The following KLHL36 variants were observed in gnomAD, a reference collection of about 807,000 sequenced individuals.
The protein encoded by KLHL36 is kelch like family member 36.
In KLHL36, 35 loss-of-function variants were observed where a neutral mutation model predicts 53.3. That is an observed-to-expected ratio of 0.66 (90% CI 0.50 to 0.87). The LOEUF (loss-of-function observed/expected upper bound fraction) is 0.87, where lower values mean the gene tolerates loss of function less well. Among genes scored for constraint, KLHL36 ranks in the 40% least tolerant of loss-of-function variants. KLHL36 has a pLI of 0.00. For missense variants in KLHL36, 864 were observed against 897.6 expected (o/e 0.96, Z 0.48); for synonymous variants, 472 against 398.9 (o/e 1.18, Z -2.18).
Position 84,659,783 on chromosome 16 carries a change from T to C in KLHL36, c.1161T>C (p.Arg387=), listed in dbSNP as rs772282352. The C allele has an allele frequency of 5.0e-6, 8 of 1,614,068 alleles. No individual in the cohort carries two copies. The highest frequency in any genetic ancestry group is 6.8e-6 in the Non-Finnish European group (8 of 1,180,012). The change falls in exon 4 of 5, where the codon CGT becomes CGC. Residue 387 remains arginine (R), a synonymous_variant. Coordinates refer to ENST00000564996, the MANE Select transcript of KLHL36 (RefSeq NM_024731.4). ...AGGTGGCCTCCATGAACCAGCGCCG[T>C]GTGGATTTCTACCTTGCCTCCATCG... ...WIKVASMNQR[R]VDFYLASIED...
chr16:84,648,828 G>A lies in KLHL36; in HGVS notation c.-17+179G>A, dbSNP rs1275401496. ...GTGGGGGCGCCGCGGCCGGGGGAGG[G>A]GCCGCCGCCCCCGCAGGTGACACAG... On this transcript the variant is annotated intron_variant, in intron 1 of 4. Coordinates refer to ENST00000564996, the MANE Select transcript of KLHL36 (RefSeq NM_024731.4). The surrounding 1 kb of genome is among the most constrained non-coding windows in gnomAD (Gnocchi z 4.9). 13 of 150,370 alleles carry A rather than the reference G, an allele frequency of 8.6e-5. No individual in the cohort carries two copies. The highest frequency in any genetic ancestry group is 3.4e-3 in the Middle Eastern group (1 of 292). 9.3% of individuals were successfully genotyped at this position (150,370 alleles called of 1,614,324 possible).
chr16:84,655,923 C>T (rs1907174238), intron 2 of KLHL36, among the ~76,000 whole-genome samples: 1 of 151,930 alleles, frequency 6.6e-6, no homozygotes, highest in African/African-American at 2.4e-5. Flanking sequence ...GACAGGGTTT[C>T]TTTTTGTCGT....
In KLHL36 at chr16:84,661,990, C is replaced by T. The variant is rs764020392; in HGVS notation, c.1708C>T (p.Arg570Cys). 227 of 1,595,032 alleles carry T rather than the reference C, an allele frequency of 1.4e-4. No homozygotes were observed. Among genetic ancestry groups the T allele is most frequent in the Non-Finnish European group, 1.6e-4 (193 of 1,172,318 alleles). ...CTCCAAGACCGTGCAGGTGTACGAC[C>T]GCGAGGCCGACAAGTGGAGCAGGGG... The part of the protein sequence containing the change: ...AFSKTVQVYD[R>C]EADKWSRGVD... The change falls in exon 5 of 5, where the codon CGC becomes TGC. Residue 570 changes from arginine to cysteine, a missense_variant. Coordinates refer to ENST00000564996, the MANE Select transcript of KLHL36 (RefSeq NM_024731.4). This position sits in a 1 kb window ranked among gnomAD's most constrained non-coding sequence, Gnocchi z 7.9.
At chr16:84,649,021 C>T (rs944171937) in intron 1 of KLHL36, 3 of 152,212 alleles carry the variant, frequency 2.0e-5, no homozygotes, top group Admixed American at 2.0e-4. Context: ...CCCGGAGACC[C>T]CGCCGGCGAG....
In KLHL36 at chr16:84,657,556, A is replaced by AGCCG; in HGVS notation, c.754_757dup (p.Val253GlyfsTer62). The AGCCG allele has an allele frequency of 6.2e-7, 1 of 1,610,674 alleles. No individual in the cohort carries two copies. Among genetic ancestry groups the AGCCG allele is most frequent in the Non-Finnish European group, 8.5e-7 (1 of 1,179,870 alleles). On this transcript the variant is annotated frameshift_variant, in exon 3 of 5. Coordinates refer to ENST00000564996, the MANE Select transcript of KLHL36 (RefSeq NM_024731.4). LOFTEE classifies it high-confidence loss of function. ...AAGAACGACCTGCTGCACCGCGTCAAGCCGGCCGTGTGCTCGCTGCTGCCC... is the reference window on the plus strand; with the variant it reads ...AAGAACGACCTGCTGCACCGCGTCAAGCCGGCCGGCCGTGTGCTCGCTGCTGCCC...
chr16:84,655,581 G>A (rs189745239), intron 2 of KLHL36, among the ~76,000 whole-genome samples: 296 of 151,906 alleles, frequency 1.9e-3, no homozygotes, highest in African/African-American at 6.6e-3. Flanking sequence ...GCACACACCC[G>A]TAGTCCCAGC....
intron 3 of KLHL36, 196 bp downstream of exon 3, chr16:84,658,140 G>A (rs371780918): frequency 1.6e-5 from 8 of 500,410 alleles, no homozygotes; most frequent in South Asian, 1.5e-4. Flanking sequence ...CCACCCCTTC[G>A]AGGGGTCCGT....
intron 3 of KLHL36, 177 bp from the exon 4 acceptor site, chr16:84,659,583 A>C (rs1907423420): frequency 1.1e-5 from 7 of 625,166 alleles, no homozygotes; most frequent in Non-Finnish European, 1.9e-5. Context: ...ATCTTGGTGA[A>C]ACCTCGGGGG....
rs777399184 is a variant in KLHL36, at chr16:84,657,727, G to T, written c.920G>T (p.Arg307Leu). ...TTTGTGGGCGGCGAGGTCTCCGAGC[G>T]GTGTCTGGAGCTCAGTGACGACACC... ...LLFVGGEVSE[R>L]CLELSDDTCY... Residue 307 changes from arginine (R) to leucine (L), a missense_variant, in exon 3 of 5, where the codon CGG (arginine) becomes CTG (leucine). Coordinates refer to ENST00000564996, the MANE Select transcript of KLHL36 (RefSeq NM_024731.4). 2 of 1,612,284 alleles carry T rather than the reference G, an allele frequency of 1.2e-6. No individual in the cohort carries two copies. Among genetic ancestry groups the T allele is most frequent in the African/African-American group, 1.3e-5 (1 of 74,924 alleles).
At position 84,648,823 on chromosome 16, in the gene KLHL36, G is replaced by T. The variant is rs891313574; in HGVS notation, c.-17+174G>T. 5 of 150,118 alleles carry T rather than the reference G, an allele frequency of 3.3e-5. No individual in the cohort carries two copies. Among genetic ancestry groups the T allele is most frequent in the African/African-American group, 1.2e-4 (5 of 41,152 alleles). 9.3% of individuals were successfully genotyped at this position (150,118 alleles called of 1,614,324 possible). On this transcript the variant is annotated intron_variant, in intron 1 of 4. Transcript: ENST00000564996. This position sits in a 1 kb window ranked among gnomAD's most constrained non-coding sequence, Gnocchi z 4.9. Reference sequence around the variant, plus strand: ...GGCGAGTGGGGGCGCCGCGGCCGGGGGAGGGGCCGCCGCCCCCGCAGGTGA... The same window carrying T: ...GGCGAGTGGGGGCGCCGCGGCCGGGTGAGGGGCCGCCGCCCCCGCAGGTGA...
At position 84,662,625 on chromosome 16, in the gene KLHL36, A is replaced by G. The variant is rs1907625931; in HGVS notation, c.*492A>G. The stretch of plus-strand genomic sequence containing the variant: ...GGTGGTGCCCAGAAGCTGTATTTTA[A>G]CTAGTTCTTGGAATTCTGGGTATTA... On this transcript the variant is annotated 3_prime_UTR_variant, in exon 5 of 5. Coordinates refer to ENST00000564996, the MANE Select transcript of KLHL36 (RefSeq NM_024731.4). The G allele has an allele frequency of 6.5e-6, 1 of 153,972 alleles. No individual in the cohort carries two copies. Among genetic ancestry groups the G allele is most frequent in the African/African-American group, 2.4e-5 (1 of 41,468 alleles). 9.5% of individuals were successfully genotyped at this position (153,972 alleles called of 1,614,324 possible). A position where few individuals can be genotyped will look rare whatever the true frequency, so the allele number is the denominator to read the frequency against.
Position 84,661,571 on chromosome 16 carries a change from C to T in KLHL36, c.1296-7C>T, listed in dbSNP as rs756372641. ...TCTCCCTCTGTCTCTGCCCGTCGAC[C>T]CTGCAGGTTCACGTACGGCCACGCG... is the stretch of plus-strand genomic sequence containing the variant. On this transcript the variant is annotated splice_region_variant and splice_polypyrimidine_tract_variant and intron_variant, in intron 4 of 4. Transcript: ENST00000564996. The surrounding 1 kb of genome is among the most constrained non-coding windows in gnomAD (Gnocchi z 7.9). 6.4e-7 allele frequency: 1 copy of T among 1,571,546 alleles called. No homozygotes were observed. Among genetic ancestry groups the T allele is most frequent in the Non-Finnish European group, 8.7e-7 (1 of 1,154,228 alleles).
chr16:84,661,756 G>A lies in KLHL36; in HGVS notation c.1474G>A (p.Gly492Ser). 1 of 1,613,472 alleles carries A rather than the reference G, an allele frequency of 6.2e-7. No individual in the cohort carries two copies. The highest frequency in any genetic ancestry group is 8.5e-7 in the Non-Finnish European group (1 of 1,179,900). ...ARGWHSMCSL[G>S]DSIYSIGGSD... is the part of the protein sequence containing the mutation. ...CGGCTGGCACAGCATGTGCAGCCTGGGTGACAGCATCTACTCCATCGGGGG... is the reference window on the plus strand; with the variant it reads ...CGGCTGGCACAGCATGTGCAGCCTGAGTGACAGCATCTACTCCATCGGGGG... The change falls in exon 5 of 5, where the codon GGT becomes AGT. Residue 492 changes from glycine to serine, a missense_variant. By Grantham distance (56) the Gly-to-Ser change is moderately conservative (BLOSUM62 0). Coordinates refer to ENST00000564996, the MANE Select transcript of KLHL36 (RefSeq NM_024731.4). This position sits in a 1 kb window ranked among gnomAD's most constrained non-coding sequence, Gnocchi z 7.9.
In KLHL36 at chr16:84,659,920, G is replaced by C. The variant is rs1360584521; in HGVS notation, c.1295+3G>C. ...TCCTATGTGGCCGGCTTGCCAAGGT[G>C]ATCTGGGGCTTGGTGGAAGGTTCTC... On this transcript the variant is annotated splice_donor_region_variant and intron_variant, in intron 4 of 4. Coordinates refer to ENST00000564996, the MANE Select transcript of KLHL36 (RefSeq NM_024731.4). 15 of 1,602,196 alleles carry C rather than the reference G, an allele frequency of 9.4e-6. No homozygotes were observed. The highest frequency in any genetic ancestry group is 1.2e-5 in the Non-Finnish European group (14 of 1,170,392).
intron 2 of KLHL36, among the ~76,000 whole-genome samples, chr16:84,656,358 C>G (rs1237333020): frequency 6.7e-6 from 1 of 150,330 alleles, no homozygotes; most frequent in Admixed American, 6.6e-5. Flanking sequence ...CAACCTCCAT[C>G]TCCTGGGTTC....
In KLHL36 at chr16:84,648,665, C is replaced by T. The variant is rs1280761546; in HGVS notation, c.-17+16C>T. On this transcript the variant is annotated intron_variant, in intron 1 of 4. Transcript: ENST00000564996. The surrounding 1 kb of genome is among the most constrained non-coding windows in gnomAD (Gnocchi z 4.9). ...GTCCTGCCAGGTGGGCCTCCGCGCG[C>T]GCCCACCCTCCAGCCCGGGACCGCC... is the stretch of plus-strand genomic sequence containing the variant. 13 of 148,184 alleles carry T rather than the reference C, an allele frequency of 8.8e-5. No homozygotes were observed. The East Asian group carries it at 1.6e-3, about 18-fold the overall frequency. The allele number at this position is 148,184 out of a possible 1,614,324, so 9.2% of individuals were successfully genotyped here.
chr16:84,648,560 G>T lies in KLHL36; in HGVS notation c.-106G>T, dbSNP rs1212400976. ...GCCATGGCTGCGCAGCGGGCTGGCC[G>T]GGGGTCTCCTGAACCCGGGCCCCGC... On this transcript the variant is annotated 5_prime_UTR_variant, in exon 1 of 5. Transcript: ENST00000564996. The surrounding 1 kb of genome is among the most constrained non-coding windows in gnomAD (Gnocchi z 4.9). The T allele has an allele frequency of 1.4e-5, 2 of 147,350 alleles. No homozygotes were observed. The highest frequency in any genetic ancestry group is 6.8e-5 in the Admixed American group (1 of 14,794). 9.1% of individuals were successfully genotyped at this position (147,350 alleles called of 1,614,324 possible).
chr16:84,653,180 G>A (rs1907002534), intron 2 of KLHL36, among the ~76,000 whole-genome samples: 3 of 152,066 alleles, frequency 2.0e-5, no homozygotes, highest in South Asian at 4.2e-4. Context: ...TCGCACCACT[G>A]TACTCCAACC....
Position 84,657,075 on chromosome 16 carries a change from A to G in KLHL36, c.268A>G (p.Ile90Val). 1 of 1,614,172 alleles carries G rather than the reference A, an allele frequency of 6.2e-7. No homozygotes were observed. Among genetic ancestry groups the G allele is most frequent in the Non-Finnish European group, 8.5e-7 (1 of 1,180,028 alleles). The change falls in exon 3 of 5, where the codon ATC becomes GTC. Residue 90 changes from isoleucine (I) to valine (V), a missense_variant. Coordinates refer to ENST00000564996, the MANE Select transcript of KLHL36 (RefSeq NM_024731.4). The stretch of plus-strand genomic sequence containing the variant: ...AGCTTTCCAGAAGGAGGTGGAGCTG[A>G]TCGGCGCCTCCTACATTGGGCTCAA... The part of the protein sequence containing the change: ...REAFQKEVEL[I>V]GASYIGLKAV...
Sources: gnomAD v4.1 joint callset for allele counts (sites outside exome capture counted in the v4.1 genomes callset) on GRCh38, gnomAD v4.1.1 for gene constraint, Gnocchi (gnomAD v3.1) non-coding constraint, MANE v1.5 for transcripts, NCBI Gene and HGNC (gene_info 2026-07-23, HGNC 2026-07-21) for gene names.